Variants in THSD4 observed in about 807,000 individuals in gnomAD.
THSD4 encodes the protein thrombospondin type 1 domain containing 4, also known as thrombospondin type-1 domain-containing protein 4.
Under a neutral mutation model 119.0 loss-of-function variants are expected in THSD4, and 69 were observed. That is an observed-to-expected ratio of 0.58 (90% CI 0.48 to 0.71). The LOEUF is 0.71. Ranked by LOEUF, THSD4 falls within the 30% of genes least tolerant of loss-of-function variation. The pLI is 0.00. For synonymous variants in THSD4, 524 were observed against 540.4 expected, an observed-to-expected ratio of 0.97 and a Z score of 0.42; for missense variants, 1,393 against 1,391.1, an observed-to-expected ratio of 1.00 and a Z score of -0.02.
chr15:71,136,163 A>C (rs1014763894), intron 1 of THSD4, among the ~76,000 whole-genome samples: 2 of 151,612 alleles, frequency 1.3e-5, no homozygotes, highest in Non-Finnish European at 1.5e-5. Flanking sequence ...AGCATGACTT[A>C]CGTCCCATCT....
At chr15:71,109,027 A>C (rs559332865) in intron 1 of THSD4, among the ~76,000 whole-genome samples, 1,675 of 152,182 alleles carry the variant, frequency 0.011, 34 homozygotes, top group African/African-American at 0.038. Flanking sequence ...AACAAACAAA[A>C]AAACAAAAAG....
At chr15:71,736,867 T>C (rs1417773595) in intron 10 of THSD4, among the ~76,000 whole-genome samples, 2 of 152,258 alleles carry the variant, frequency 1.3e-5, no homozygotes, top group East Asian at 3.8e-4. Flanking sequence ...ACTTGGCTAC[T>C]CTTTCAAACC....
At chr15:71,125,571 C>T (rs2040447205) in intron 1 of THSD4, among the ~76,000 whole-genome samples, 2 of 152,244 alleles carry the variant, frequency 1.3e-5, no homozygotes, top group South Asian at 4.1e-4. Flanking sequence ...CACCAGCTTT[C>T]CCTTACTGGA....
intron 7 of THSD4, among the ~76,000 whole-genome samples, chr15:71,432,710 C>G (rs1481716251): frequency 1.3e-5 from 2 of 151,972 alleles, no homozygotes; most frequent in African/African-American, 2.4e-5. Flanking sequence ...ACATATGATA[C>G]AATTTTTATA....
At chr15:71,159,445 G>A (rs2043229629) in intron 3 of THSD4, among the ~76,000 whole-genome samples, 2 of 152,044 alleles carry the variant, frequency 1.3e-5, no homozygotes, top group Non-Finnish European at 2.9e-5. Flanking sequence ...TCCAATCTAT[G>A]AACATGGGTT....
At chr15:71,474,514 C>T (rs2047629799) in intron 7 of THSD4, among the ~76,000 whole-genome samples, 1 of 152,176 alleles carries the variant, frequency 6.6e-6, no homozygotes, top group Admixed American at 6.5e-5. Flanking sequence ...AGCCACCGCG[C>T]CTGGCCTTCT....
intron 3 of THSD4, chr15:71,164,731 G>T (rs2043276324): frequency 1.3e-6 from 2 of 1,575,122 alleles, no homozygotes; most frequent in Non-Finnish European, 1.7e-6. Flanking sequence ...GGGGTTAAAT[G>T]CTTTATAGAC....
intron 3 of THSD4, among the ~76,000 whole-genome samples, chr15:71,166,583 G>C (rs757405627): frequency 1.3e-5 from 2 of 152,076 alleles, no homozygotes; most frequent in South Asian, 4.2e-4. Context: ...CCCTGGCTCT[G>C]AGCTGGTCCT....
intron 6 of THSD4, among the ~76,000 whole-genome samples, chr15:71,303,313 G>T (rs2044978064): frequency 1.3e-5 from 2 of 152,202 alleles, no homozygotes. Context: ...AGAATAAAGA[G>T]CTGCCTGGTC....
intron 1 of THSD4, among the ~76,000 whole-genome samples, chr15:71,128,405 T>C (rs1400679770): frequency 6.6e-6 from 1 of 151,612 alleles, no homozygotes; most frequent in Non-Finnish European, 1.5e-5. Context: ...CACATGTCTG[T>C]AATCCCAGCT....
Position 71,491,141 on chromosome 15 carries a change from T to C in THSD4, c.1152+79318T>C, listed in dbSNP as rs556980715. The stretch of plus-strand genomic sequence containing the variant: ...TTGTCAAGTTGTCCACCAGAAAAGC[T>C]GATTGACTGTTCCACTACTAAAATG... On this transcript the variant is annotated intron_variant, in intron 7 of 17. Transcript: ENST00000261862. Among the ~76,000 whole-genome samples the C allele has an allele frequency of 1.4e-3, 220 of 152,360 alleles. 7 individuals carry two copies. In the South Asian group the frequency reaches 0.043, roughly 30 times the overall value.
At chr15:71,545,896 C>G (rs1036867080) in intron 7 of THSD4, among the ~76,000 whole-genome samples, 3 of 152,134 alleles carry the variant, frequency 2.0e-5, no homozygotes, top group African/African-American at 4.8e-5. Flanking sequence ...GAGATGGCTA[C>G]GAACTGCAGT....
At chr15:71,355,660 T>C (rs2045800110) in intron 6 of THSD4, among the ~76,000 whole-genome samples, 1 of 152,104 alleles carries the variant, frequency 6.6e-6, no homozygotes, top group East Asian at 1.9e-4. Context: ...TGGCCCCTGC[T>C]CAGCGGAGAA....
chr15:71,124,402 T>C (rs879767919), intron 1 of THSD4, among the ~76,000 whole-genome samples: 2 of 152,242 alleles, frequency 1.3e-5, no homozygotes, highest in African/African-American at 2.4e-5. Context: ...AGGGTCAGGT[T>C]TAACCTGTGG....
chr15:71,748,156 C>T lies in THSD4; in HGVS notation c.2242-265C>T, dbSNP rs1035836396. Among the ~76,000 whole-genome samples, 4 of 152,104 alleles carry T rather than the reference C, an allele frequency of 2.6e-5. No homozygotes were observed. In the East Asian group the frequency reaches 5.8e-4, roughly 22 times the overall value. On this transcript the variant is annotated intron_variant, in intron 13 of 17. Coordinates refer to ENST00000261862, the MANE Select transcript of THSD4 (RefSeq NM_024817.3). The stretch of plus-strand genomic sequence containing the variant: ...CCATTTTTAAGGTTTCTCTGGGGGT[C>T]TCCTTGGCCAAGAGGAGGCCCATTC...
intron 7 of THSD4, among the ~76,000 whole-genome samples, chr15:71,618,808 A>G (rs1174181581): frequency 6.6e-6 from 1 of 151,628 alleles, no homozygotes; most frequent in Non-Finnish European, 1.5e-5. Flanking sequence ...GAACTCCTGG[A>G]CCTAAGCGAT....
At chr15:71,710,922 C>T (rs1240657506) in intron 8 of THSD4, among the ~76,000 whole-genome samples, 1 of 152,088 alleles carries the variant, frequency 6.6e-6, no homozygotes, top group East Asian at 1.9e-4. Context: ...TGTGTCAGAG[C>T]AGACAAGTAT....
At chr15:71,687,491 C>T (rs544169044) in intron 8 of THSD4, among the ~76,000 whole-genome samples, 2 of 152,292 alleles carry the variant, frequency 1.3e-5, no homozygotes, top group East Asian at 3.9e-4. Flanking sequence ...CGCCATTGCT[C>T]ACACCGGTAA....
intron 3 of THSD4, among the ~76,000 whole-genome samples, chr15:71,189,420 C>T (rs1209922567): frequency 3.3e-5 from 5 of 152,174 alleles, no homozygotes; most frequent in Non-Finnish European, 1.5e-5. Context: ...CCTGTAATCC[C>T]AGCACTTTGG....
Sources: gnomAD v4.1 joint callset for allele counts (sites outside exome capture counted in the v4.1 genomes callset) on GRCh38, gnomAD v4.1.1 for gene constraint, MANE v1.5 for transcripts, NCBI Gene and HGNC (gene_info 2026-07-23, HGNC 2026-07-21) for gene names.